CHN2: variants seen among roughly 807,000 people sequenced by gnomAD.
CHN2 encodes beta-chimaerin.
CHN2 carries 35 observed loss-of-function variants against 56.3 expected under a neutral mutation model. The observed-to-expected ratio is 0.62, with a 90% CI of 0.47 to 0.82. CHN2 has a LOEUF of 0.82. Ranked by LOEUF, CHN2 falls within the 40% of genes least tolerant of loss-of-function variation. The pLI is 0.00. For synonymous variants in CHN2, 210 were observed against 212.8 expected (o/e 0.99, Z 0.12); for missense variants, 491 against 580.5 (o/e 0.85, Z 1.58).
intron 6 of CHN2, among the ~76,000 whole-genome samples, chr7:29,453,323 T>C (rs1449812128): frequency 6.6e-6 from 1 of 152,194 alleles, no homozygotes; most frequent in African/African-American, 2.4e-5. Context: ...TCTCCTTTTT[T>C]GTAGGGCAAG....
chr7:29,209,577 AG>A (rs780455634), intron 1 of CHN2, among the ~76,000 whole-genome samples: 10 of 152,214 alleles, frequency 6.6e-5, no homozygotes, highest in Non-Finnish European at 1.5e-4. Flanking sequence ...TCTAATGAGA[AG>A]TAGGACAGTG....
At chr7:29,264,292 CGT>C (rs1789923651) in intron 1 of CHN2, among the ~76,000 whole-genome samples, 2 of 151,824 alleles carry the variant, frequency 1.3e-5, no homozygotes, top group South Asian at 2.1e-4. Context: ...TCTGCCCGGC[CGT>C]AACCCCGTCT....
rs150566778 is a variant in CHN2 at position 29,306,537 on chromosome 7, C to T, written c.50-48088C>T. Among the ~76,000 whole-genome samples, 737 of 152,226 alleles carry T rather than the reference C, an allele frequency of 4.8e-3. 1 individual carries two copies. The highest frequency in any genetic ancestry group is 7.6e-3 in the Non-Finnish European group (519 of 68,006). On this transcript the variant is annotated intron_variant, in intron 1 of 12. Coordinates refer to ENST00000222792, the MANE Select transcript of CHN2 (RefSeq NM_004067.4). ...GATGAGTATAAACTGAGAGGAGGGG[C>T]TGTGGCAGGAAAGGGGGACCCTGGG...
chr7:29,246,958 C>T lies in CHN2; in HGVS notation c.49+51968C>T, dbSNP rs145324626. On this transcript the variant is annotated intron_variant, in intron 1 of 12. Coordinates refer to ENST00000222792, the MANE Select transcript of CHN2 (RefSeq NM_004067.4). ...TTAGGATTTGGCAGACACACAAACA[C>T]TCAGTCCGTAGCAGTGTAGAGTGGC... Among the ~76,000 whole-genome samples, 505 of 152,302 alleles carry T rather than the reference C, an allele frequency of 3.3e-3. 5 individuals carry two copies. Among genetic ancestry groups the T allele is most frequent in the Admixed American group, 0.021 (314 of 15,306 alleles).
intron 2 of CHN2, among the ~76,000 whole-genome samples, chr7:29,165,129 A>G (rs1457716068): frequency 6.6e-6 from 1 of 152,186 alleles, no homozygotes; most frequent in Non-Finnish European, 1.5e-5. Flanking sequence ...CATTTAATCT[A>G]AAGATCAATG....
Position 29,442,738 on chromosome 7 carries a change from A to G in CHN2, c.577-37541A>G, listed in dbSNP as rs144069373. On this transcript the variant is annotated intron_variant, in intron 6 of 12. Transcript: ENST00000222792. ...TCATGTCAATTTATACTGGGCATGTATCCACAACCATTCTCCTAACTACCG... is the reference window on the plus strand; with the variant it reads ...TCATGTCAATTTATACTGGGCATGTGTCCACAACCATTCTCCTAACTACCG... 5.4e-3 allele frequency among the ~76,000 whole-genome samples: 815 copies of G among 152,192 alleles called. 4 individuals are homozygous for G. The highest frequency in any genetic ancestry group is 0.018 in the African/African-American group (764 of 41,496).
At chr7:29,340,480 C>T (rs1017695635) in intron 1 of CHN2, among the ~76,000 whole-genome samples, 1 of 152,108 alleles carries the variant, frequency 6.6e-6, no homozygotes, top group Admixed American at 6.6e-5. Flanking sequence ...GTGGCACTTT[C>T]ATTAGTAAGG....
intron 6 of CHN2, among the ~76,000 whole-genome samples, chr7:29,458,828 A>G (rs1205673892): frequency 6.6e-6 from 1 of 152,218 alleles, no homozygotes; most frequent in Admixed American, 6.5e-5. Context: ...CAAAGAAGAT[A>G]CCACATTTGG....
upstream of CHN2, among the ~76,000 whole-genome samples, chr7:29,190,593 G>A (rs1782763331): frequency 1.3e-5 from 2 of 152,222 alleles, no homozygotes; most frequent in African/African-American, 2.4e-5. Flanking sequence ...AGCCGGTGAA[G>A]GAGGGTGGGG....
chr7:29,274,559 T>G (rs1009983216), intron 1 of CHN2, among the ~76,000 whole-genome samples: 6 of 152,170 alleles, frequency 3.9e-5, no homozygotes, highest in Admixed American at 3.9e-4. Flanking sequence ...GCGGTGGCAT[T>G]AGCGAAATAA....
intron 2 of CHN2, among the ~76,000 whole-genome samples, chr7:29,152,316 T>G (rs538209872): frequency 6.6e-6 from 1 of 152,290 alleles, no homozygotes; most frequent in Admixed American, 6.5e-5. Context: ...ATTTAAAGGA[T>G]TCCCCCTTGA....
chr7:29,187,331 G>A (rs1392098680), intron 2 of CHN2, among the ~76,000 whole-genome samples: 9 of 150,776 alleles, frequency 6.0e-5, no homozygotes, highest in Non-Finnish European at 1.3e-4. Flanking sequence ...CTAGTGGTGT[G>A]TGTGTTTGTG....
upstream of CHN2, chr7:29,194,699 C>A (rs1004618480): frequency 1.7e-5 from 7 of 401,662 alleles, no homozygotes; most frequent in Non-Finnish European, 3.0e-5. Context: ...CCCCCTGACA[C>A]CCATAGAAAA....
chr7:29,509,376 C>A lies in CHN2; in HGVS notation c.1205C>A (p.Thr402Asn). ...CTGCTGCCTCCTGCCCACTATGAAA[C>A]CCTCCGGTACCTAATGATCCACCTC... ...LMLLPPAHYE[T>N]LRYLMIHLKK... is the part of the protein sequence containing the mutation. Residue 402 changes from threonine to asparagine, a missense_variant, in exon 12 of 13, where the codon ACC (threonine) becomes AAC (asparagine). Transcript: ENST00000222792. The A allele has an allele frequency of 6.2e-7, 1 of 1,613,984 alleles. No homozygotes were observed. Among genetic ancestry groups the A allele is most frequent in the Non-Finnish European group, 8.5e-7 (1 of 1,179,858 alleles).
chr7:29,390,582 CAAG>C (rs1240848558), intron 3 of CHN2, among the ~76,000 whole-genome samples: 2 of 152,210 alleles, frequency 1.3e-5, no homozygotes, highest in African/African-American at 4.8e-5. Flanking sequence ...AATGAGAATG[CAAG>C]AAGAATTTCT....
At chr7:29,148,354 C>G (rs1793069519) in intron 2 of CHN2, 1 of 152,214 alleles carries the variant, frequency 6.6e-6, no homozygotes, top group Non-Finnish European at 1.5e-5. Context: ...TATTCAAAAA[C>G]AGGGTGTCCC....
At chr7:29,386,005 C>A (rs1283449493) in intron 3 of CHN2, among the ~76,000 whole-genome samples, 2 of 152,188 alleles carry the variant, frequency 1.3e-5, no homozygotes, top group Non-Finnish European at 2.9e-5. Flanking sequence ...TACAGAAAGA[C>A]TGACCAGTGG....
chr7:29,487,388 A>T (rs1562650633), intron 7 of CHN2, among the ~76,000 whole-genome samples: 1 of 152,178 alleles, frequency 6.6e-6, no homozygotes, highest in Non-Finnish European at 1.5e-5. Context: ...TGGCTTTATT[A>T]AAAAAATGTT....
chr7:29,354,795 C>A, intron 2 of CHN2, 132 bp downstream of exon 2: 1 of 765,422 alleles, frequency 1.3e-6, no homozygotes, highest in Non-Finnish European at 2.2e-6. Flanking sequence ...TTTCTTTCCA[C>A]TGAGGAAAAA....
Sources: gnomAD v4.1 joint callset for allele counts (sites outside exome capture counted in the v4.1 genomes callset) on GRCh38, gnomAD v4.1.1 for gene constraint, MANE v1.5 for transcripts, NCBI Gene and HGNC (gene_info 2026-07-23, HGNC 2026-07-21) for gene names.